Variants in PCDHGA6 observed in about 807,000 individuals in gnomAD.
The protein encoded by PCDHGA6 is protocadherin gamma subfamily A, 6.
Under a neutral mutation model 60.6 loss-of-function variants are expected in PCDHGA6, and 41 were observed. That is an observed-to-expected ratio of 0.68 (90% CI 0.53 to 0.88). The LOEUF (loss-of-function observed/expected upper bound fraction) is 0.88. Ranked by LOEUF, PCDHGA6 falls within the 40% of genes least tolerant of loss-of-function variation. PCDHGA6 has a pLI of 0.00. For missense variants in PCDHGA6, 1,312 were observed against 1,203.0 expected (o/e 1.09, Z -1.34); for synonymous variants, 594 against 524.4 (o/e 1.13, Z -1.81).
chr5:141,376,387 G>C lies in PCDHGA6; in HGVS notation c.2304G>C (p.Leu768=), dbSNP rs772638473. 6.2e-7 allele frequency: 1 copy of C among 1,614,218 alleles called. No individual in the cohort carries two copies. Among genetic ancestry groups the C allele is most frequent in the Admixed American group, 1.7e-5 (1 of 60,032 alleles). The change falls in exon 1 of 4, where the codon CTG becomes CTC. Residue 768 remains leucine, a synonymous_variant. Transcript: ENST00000517434. ...CTGCAGACTCGCGTAAGAGTCATCT[G>C]ATTTTCCCCCAGCCCAACTATGCCG... ...SLTADSRKSH[L]IFPQPNYADT...
chr5:141,433,367 C>CTATA, intron 1 of PCDHGA6: 2 of 549,818 alleles, frequency 3.6e-6, no homozygotes, highest in South Asian at 4.5e-5. Flanking sequence ...GCCTATCTAT[C>CTATA]TATCTATCTA....
chr5:141,409,188 C>T lies in PCDHGA6; in HGVS notation c.2424+32681C>T, dbSNP rs1487313582. ...GCGAAGGACGGAGGTGGTCTCTCTA[C>T]CCAGTGTAAAGTAATCATAGAAATC... On this transcript the variant is annotated intron_variant, in intron 1 of 3. Transcript: ENST00000517434. 9 of 1,613,880 alleles carry T rather than the reference C, an allele frequency of 5.6e-6. No homozygotes were observed. In the Admixed American group the frequency reaches 8.3e-5, roughly 15 times the overall value.
rs1186920662 is a variant in PCDHGA6 at position 141,376,452 on chromosome 5, C to T, written c.2369C>T (p.Pro790Leu). The part of the protein sequence containing the change: ...INQESYEKSE[P>L]LLITQDLLET... ...CAGGAGAGCTATGAGAAAAGCGAGC[C>T]TCTTCTGATAACTCAGGATTTACTT... is the stretch of plus-strand genomic sequence containing the variant. Residue 790 changes from proline (P) to leucine (L), a missense_variant, in exon 1 of 4, where the codon CCT becomes CTT. By Grantham distance (98) the Pro-to-Leu change is moderately conservative. Coordinates refer to ENST00000517434, the MANE Select transcript of PCDHGA6 (RefSeq NM_018919.3). 1.2e-6 allele frequency: 2 copies of T among 1,614,094 alleles called. No homozygotes were observed. Among genetic ancestry groups the T allele is most frequent in the Non-Finnish European group, 1.7e-6 (2 of 1,180,042 alleles).
intron 1 of PCDHGA6, chr5:141,418,306 GA>G: frequency 6.2e-7 from 1 of 1,614,032 alleles, no homozygotes; most frequent in East Asian, 2.2e-5. Flanking sequence ...TCAGCCTGGG[GA>G]TGGGAACAAT....
rs768812729 is a variant in PCDHGA6, at chr5:141,491,543, A to T, written c.2425-3264A>T. 2.5e-6 allele frequency: 4 copies of T among 1,613,842 alleles called. No individual in the cohort carries two copies. The highest frequency in any genetic ancestry group is 3.4e-6 in the Non-Finnish European group (4 of 1,179,982). The stretch of plus-strand genomic sequence containing the variant: ...ATGGAGGTGACGCTGCGGCCCACAG[A>T]CTCGCAGAGCCACTGCTACAGGACG... On this transcript the variant is annotated intron_variant, in intron 1 of 3. Transcript: ENST00000517434. This position sits in a 1 kb window ranked among gnomAD's most constrained non-coding sequence, Gnocchi z 6.9.
At chr5:141,448,058 C>G (rs2098560499) in intron 1 of PCDHGA6, among the ~76,000 whole-genome samples, 2 of 151,936 alleles carry the variant, frequency 1.3e-5, no homozygotes, top group Non-Finnish European at 2.9e-5. Flanking sequence ...TGCTCTCCAG[C>G]CTGGGCAACA....
chr5:141,486,169 A>T lies in PCDHGA6; in HGVS notation c.2425-8638A>T. On this transcript the variant is annotated intron_variant, in intron 1 of 3. Transcript: ENST00000517434. The surrounding 1 kb of genome is among the most constrained non-coding windows in gnomAD (Gnocchi z 5.0). ...ATGGGGGTTCTCCAGCCATGGAGCA[A>T]CATTGCAGCCTTCGAGTGGATCTGC... 1 of 1,614,206 alleles carries T rather than the reference A, an allele frequency of 6.2e-7. No homozygotes were observed. Among genetic ancestry groups the T allele is most frequent in the Non-Finnish European group, 8.5e-7 (1 of 1,180,032 alleles).
In PCDHGA6 at chr5:141,489,461, A is replaced by G. The variant is rs1329676538; in HGVS notation, c.2425-5346A>G. 5.0e-6 allele frequency: 8 copies of G among 1,613,832 alleles called. No homozygotes were observed. The highest frequency in any genetic ancestry group is 6.8e-6 in the Non-Finnish European group (8 of 1,179,986). On this transcript the variant is annotated intron_variant, in intron 1 of 3. Transcript: ENST00000517434. This position sits in a 1 kb window ranked among gnomAD's most constrained non-coding sequence, Gnocchi z 4.5. ...TTGGGCTCTGAGGAGAATGGGCGCT[A>G]TTTTTCCCTGAGCTTGATGAGTGGT...
Position 141,375,378 on chromosome 5 carries a change from T to G in PCDHGA6, c.1295T>G (p.Leu432Arg). ...GCCACGGACAAAGGAACACCACCTC[T>G]GTCTACAGAAACAATCATCTCTCTA... is the stretch of plus-strand genomic sequence containing the variant. ...VTATDKGTPP[L>R]STETIISLNV... The change falls in exon 1 of 4, where the codon CTG becomes CGG. Residue 432 changes from leucine (L) to arginine (R), a missense_variant. Physicochemically the swap from Leu to Arg is moderately radical, Grantham distance 102. Coordinates refer to ENST00000517434, the MANE Select transcript of PCDHGA6 (RefSeq NM_018919.3). 6.2e-7 allele frequency: 1 copy of G among 1,613,954 alleles called. No individual in the cohort carries two copies. Among genetic ancestry groups the G allele is most frequent in the Non-Finnish European group, 8.5e-7 (1 of 1,180,010 alleles).
chr5:141,455,255 C>T (rs1049752169), intron 1 of PCDHGA6, among the ~76,000 whole-genome samples: 16 of 152,146 alleles, frequency 1.1e-4, no homozygotes, highest in African/African-American at 3.9e-4. Flanking sequence ...AGTACAATCG[C>T]ATTTCTTCCC....
chr5:141,487,459 T>A lies in PCDHGA6; in HGVS notation c.2425-7348T>A. The A allele has an allele frequency of 1.2e-6, 2 of 1,614,102 alleles. No homozygotes were observed. Among genetic ancestry groups the A allele is most frequent in the Non-Finnish European group, 1.7e-6 (2 of 1,180,008 alleles). On this transcript the variant is annotated intron_variant, in intron 1 of 3. Transcript: ENST00000517434. The surrounding 1 kb of genome is among the most constrained non-coding windows in gnomAD (Gnocchi z 5.0). ...TAGGGTCAGATGACCCTATCAAGTT[T>A]GTTGATGTGGGAGGCCACTCTCATG...
chr5:141,498,053 G>A (rs2099781284), intron 2 of PCDHGA6, among the ~76,000 whole-genome samples: 1 of 152,204 alleles, frequency 6.6e-6, no homozygotes, highest in Non-Finnish European at 1.5e-5. Flanking sequence ...AAATAAATGT[G>A]AGACTGAAAC....
chr5:141,478,607 A>T (rs892000536), intron 1 of PCDHGA6: 1 of 1,560,800 alleles, frequency 6.4e-7, no homozygotes, highest in Non-Finnish European at 8.7e-7. Context: ...CATCATATTG[A>T]GGAAGGAATG....
At chr5:141,405,363 C>A (rs765508317) in intron 1 of PCDHGA6, 3 of 1,613,808 alleles carry the variant, frequency 1.9e-6, no homozygotes, top group South Asian at 1.1e-5. Context: ...ATAGAAGACA[C>A]CCCTTTGGTT....
At chr5:141,388,465 T>C in intron 1 of PCDHGA6, 2 of 1,613,816 alleles carry the variant, frequency 1.2e-6, no homozygotes, top group Non-Finnish European at 1.7e-6. Flanking sequence ...TACCCTGAGA[T>C]GGTATTGAAG....
rs1303365585 is a variant in PCDHGA6 at position 141,511,350 on chromosome 5, C to A, written c.*177C>A. 2.1e-5 allele frequency: 30 copies of A among 1,397,076 alleles called. No individual in the cohort carries two copies. Among genetic ancestry groups the A allele is most frequent in the African/African-American group, 1.7e-4 (12 of 68,780 alleles). The allele number at this position is 1,397,076 out of a possible 1,614,324, so 86.5% of individuals were successfully genotyped here. Reference sequence around the variant, plus strand: ...CCCAGTCAGCACCTACCCCTTCCCCCCCAGGGGGTTGAATATGCAAAAGCA... The same window carrying A: ...CCCAGTCAGCACCTACCCCTTCCCCACCAGGGGGTTGAATATGCAAAAGCA... On this transcript the variant is annotated 3_prime_UTR_variant, in exon 4 of 4. Transcript: ENST00000517434.
chr5:141,414,148 G>A, intron 1 of PCDHGA6: 1 of 1,598,900 alleles, frequency 6.3e-7, no homozygotes, highest in Non-Finnish European at 8.5e-7. Flanking sequence ...AGAAATACAA[G>A]CAGAAGATGG....
In PCDHGA6 at chr5:141,490,761, G is replaced by GTA. The variant is rs1380770489; in HGVS notation, c.2425-4044_2425-4043dup. The GTA allele has an allele frequency of 6.2e-7, 1 of 1,614,048 alleles. No individual in the cohort carries two copies. The highest frequency in any genetic ancestry group is 1.3e-5 in the African/African-American group (1 of 74,920). On this transcript the variant is annotated intron_variant, in intron 1 of 3. Coordinates refer to ENST00000517434, the MANE Select transcript of PCDHGA6 (RefSeq NM_018919.3). The surrounding 1 kb of genome is among the most constrained non-coding windows in gnomAD (Gnocchi z 5.4). ...AGGGAGCCCCAGCCTCCTCCTTTGT[G>GTA]TATGTCAACCCAGAGGATGGACGGA...
intron 1 of PCDHGA6, among the ~76,000 whole-genome samples, chr5:141,438,948 G>A (rs2154558298): frequency 6.6e-6 from 1 of 152,142 alleles, no homozygotes; most frequent in Middle Eastern, 3.4e-3. Context: ...TTATAGGCAT[G>A]AGCCACCGCA....
Sources: gnomAD v4.1 joint callset for allele counts (sites outside exome capture counted in the v4.1 genomes callset) on GRCh38, gnomAD v4.1.1 for gene constraint, Gnocchi (gnomAD v3.1) non-coding constraint, MANE v1.5 for transcripts, NCBI Gene and HGNC (gene_info 2026-07-23, HGNC 2026-07-21) for gene names.